Variants in SYMPK observed in about 807,000 individuals in gnomAD.
SYMPK encodes symplekin.
A neutral mutation model predicts 136.4 loss-of-function variants in SYMPK; 49 were observed. The observed-to-expected ratio is 0.36, with a 90% CI of 0.29 to 0.46. The LOEUF is 0.46. SYMPK is among the 20% of genes least tolerant of loss of function. The pLI is 1.00. For synonymous variants in SYMPK, 766 were observed against 713.0 expected (o/e 1.07, Z -1.19); for missense variants, 1,365 against 1,690.0 (o/e 0.81, Z 3.37).
rs137870340 is a variant in SYMPK, at chr19:45,815,773, CT to C, written c.3687+77del. 1.3e-3 allele frequency: 2,068 copies of C among 1,587,880 alleles called. 26 individuals carry two copies. The African/African-American group carries it at 0.024, about 19-fold the overall frequency. ...CACGCTCCCCTTCAGGCCCTGCCCC[CT>C]GATGGCCCCTCCTCCCCCACCTTCA... On this transcript the variant is annotated intron_variant, in intron 26 of 26. Coordinates refer to ENST00000245934, the MANE Select transcript of SYMPK (RefSeq NM_004819.3).
Position 45,848,841 on chromosome 19 carries a change from G to A in SYMPK, c.335C>T (p.Ala112Val). The A allele has an allele frequency of 1.2e-6, 2 of 1,614,038 alleles. No homozygotes were observed. Among genetic ancestry groups the A allele is most frequent in the Non-Finnish European group, 1.7e-6 (2 of 1,180,014 alleles). Residue 112 changes from alanine to valine, a missense_variant, in exon 6 of 27, where the codon GCA (alanine) becomes GTA (valine). Physicochemically the swap from Ala to Val is moderately conservative, Grantham distance 64. Transcript: ENST00000245934. Reference sequence around the variant, plus strand: ...GTCCCTCAAGAGCATGTTGAGGTTTGCAATGAGTTTCAGCAGCAACTCAAT... The same window carrying A: ...GTCCCTCAAGAGCATGTTGAGGTTTACAATGAGTTTCAGCAGCAACTCAAT... The part of the protein sequence containing the change: ...RDIELLLKLI[A>V]NLNMLLRDEN...
chr19:45,851,197 A>T (rs1457161944), intron 5 of SYMPK, among the ~76,000 whole-genome samples: 1 of 152,186 alleles, frequency 6.6e-6, no homozygotes, highest in Non-Finnish European at 1.5e-5. Flanking sequence ...GCGGGAAATG[A>T]GTGCGGTGAT....
chr19:45,827,579 G>T lies in SYMPK; in HGVS notation c.2112C>A (p.Phe704Leu). ...ACTGGAACTGGCGGGACGGGCGCTT[G>T]AAGATCAGGTCTCGAAGTGTGGACA... ...LGMSTLRDLI[F>L]KRPSRQFQYL... Residue 704 changes from phenylalanine (F) to leucine (L), a missense_variant, in exon 16 of 27, where the codon TTC becomes TTA. Physicochemically the swap from Phe to Leu is conservative, Grantham distance 22. Coordinates refer to ENST00000245934, the MANE Select transcript of SYMPK (RefSeq NM_004819.3). 6.2e-7 allele frequency: 1 copy of T among 1,614,156 alleles called. No individual in the cohort carries two copies. Among genetic ancestry groups the T allele is most frequent in the Non-Finnish European group, 8.5e-7 (1 of 1,180,006 alleles).
At chr19:45,833,415 C>G (rs1336457725) in intron 11 of SYMPK, among the ~76,000 whole-genome samples, 1 of 151,996 alleles carries the variant, frequency 6.6e-6, no homozygotes, top group Admixed American at 6.6e-5. Context: ...ACCTGGCTAA[C>G]ACGGTGAAAC....
At chr19:45,817,047 G>T in intron 23 of SYMPK, 73 bp from the exon 24 acceptor site, 1 of 1,468,132 alleles carries the variant, frequency 6.8e-7, no homozygotes, top group Non-Finnish European at 9.2e-7. Flanking sequence ...CTGGGAGAAA[G>T]ACCTTGCCAA....
rs761661728 is a variant in SYMPK at position 45,815,903 on chromosome 19, C to A, written c.3635G>T (p.Gly1212Val). 8 of 1,612,330 alleles carry A rather than the reference C, an allele frequency of 5.0e-6. No homozygotes were observed. Among genetic ancestry groups the A allele is most frequent in the South Asian group, 1.1e-5 (1 of 90,942 alleles). Residue 1212 changes from glycine to valine, a missense_variant, in exon 26 of 27, where the codon GGG (glycine) becomes GTG (valine). Physicochemically the swap from Gly to Val is moderately radical, Grantham distance 109. This residue lies in a region of SYMPK where 341 missense variants were observed against 270.5 expected (regional missense o/e 1.26). Transcript: ENST00000245934. ...GIFISMDDDS[G>V]LTEAALLDSS... ...GTCCAACAGCGCGGCCTCGGTCAGCCCCGAGTCGTCATCCATGCTGATGAA... is the reference window on the plus strand; with the variant it reads ...GTCCAACAGCGCGGCCTCGGTCAGCACCGAGTCGTCATCCATGCTGATGAA...
rs557833826 is a variant in SYMPK at position 45,821,213 on chromosome 19, G to A, written c.2893+171C>T. ...AGGAGGGAGGGAGGGAGGGAGGGAAGAGGAGGCAAGAAAAGGAGGGAGGGA... is the reference window on the plus strand; with the variant it reads ...AGGAGGGAGGGAGGGAGGGAGGGAAAAGGAGGCAAGAAAAGGAGGGAGGGA... On this transcript the variant is annotated intron_variant, in intron 22 of 26. Coordinates refer to ENST00000245934, the MANE Select transcript of SYMPK (RefSeq NM_004819.3). The surrounding 1 kb of genome is among the most constrained non-coding windows in gnomAD (Gnocchi z 4.4). 341 of 697,608 alleles carry A rather than the reference G, an allele frequency of 4.9e-4. 5 individuals carry two copies. The South Asian group carries it at 4.9e-3, about 10-fold the overall frequency. 43.2% of individuals were successfully genotyped at this position (697,608 alleles called of 1,614,324 possible).
chr19:45,842,407 C>T lies in SYMPK; in HGVS notation c.930G>A (p.Lys310=), dbSNP rs114012990. ...CCTGGAACTCCAAGGAAGCCGGGTG[C>T]TTCAGCACACTCAACAGGTGCAGCT... ...NLKLHLLSVL[K]HPASLEFQAQ... Residue 310 remains lysine (K), a synonymous_variant, in exon 9 of 27, where the codon AAG becomes AAA. Coordinates refer to ENST00000245934, the MANE Select transcript of SYMPK (RefSeq NM_004819.3). 126 of 1,614,228 alleles carry T rather than the reference C, an allele frequency of 7.8e-5. No homozygotes were observed. In the African/African-American group the frequency reaches 1.7e-3, roughly 21 times the overall value.
intron 17 of SYMPK, 97 bp from the exon 18 acceptor site, chr19:45,825,428 G>C (rs1202302850): frequency 7.0e-7 from 1 of 1,427,212 alleles, no homozygotes; most frequent in Non-Finnish European, 9.4e-7. Context: ...GAGCCGGGGA[G>C]GGCAGAGAAG....
chr19:45,837,864 C>A (rs1421311004), intron 10 of SYMPK, among the ~76,000 whole-genome samples: 2 of 151,998 alleles, frequency 1.3e-5, no homozygotes, highest in East Asian at 3.9e-4. Flanking sequence ...CTGGGAGGGG[C>A]CTGGAGAGGA....
Position 45,854,520 on chromosome 19 carries a change from A to C in SYMPK, c.-12-13T>G, listed in dbSNP as rs1419007102. ...TGGCTGCTGTCAGCTTGTCCCCAGG[A>C]AAGAAGAGGATGGATCAAGCTCAGG... On this transcript the variant is annotated splice_polypyrimidine_tract_variant and intron_variant, in intron 1 of 26. Coordinates refer to ENST00000245934, the MANE Select transcript of SYMPK (RefSeq NM_004819.3). The C allele has an allele frequency of 6.2e-7, 1 of 1,606,916 alleles. No homozygotes were observed. The highest frequency in any genetic ancestry group is 1.1e-5 in the South Asian group (1 of 90,896).
At chr19:45,831,277 T>A in intron 12 of SYMPK, 107 bp downstream of exon 12, 1 of 840,862 alleles carries the variant, frequency 1.2e-6, no homozygotes, top group Non-Finnish European at 1.7e-6. Context: ...TGTCTGCATC[T>A]CAGTTACACA....
At chr19:45,854,584 A>T in intron 1 of SYMPK, 77 bp from the exon 2 acceptor site, 1 of 1,211,714 alleles carries the variant, frequency 8.3e-7, no homozygotes, top group Non-Finnish European at 1.2e-6. Flanking sequence ...TCACCCGAAC[A>T]CCTACAAAGG....
chr19:45,848,143 C>T, intron 6 of SYMPK, 142 bp from the exon 7 acceptor site: 1 of 1,118,206 alleles, frequency 8.9e-7, no homozygotes, highest in Non-Finnish European at 1.2e-6. Flanking sequence ...AGTTCCAACT[C>T]TGCCCCAGCC....
intron 10 of SYMPK, among the ~76,000 whole-genome samples, chr19:45,836,389 G>C (rs758226181): frequency 2.0e-5 from 3 of 152,054 alleles, no homozygotes; most frequent in Non-Finnish European, 2.9e-5. Flanking sequence ...ATAGCACTTT[G>C]GGAGGCTGAG....
intron 3 of SYMPK, among the ~76,000 whole-genome samples, chr19:45,853,564 G>C (rs1971744343): frequency 2.0e-5 from 3 of 151,588 alleles, no homozygotes; most frequent in South Asian, 4.2e-4. Flanking sequence ...GTGAGAGCCA[G>C]GATCGTGCCA....
chr19:45,825,103 A>T (rs1178417845), intron 18 of SYMPK, 68 bp downstream of exon 18: 2 of 1,558,966 alleles, frequency 1.3e-6, no homozygotes, highest in Non-Finnish European at 1.7e-6. Context: ...CAGGTTGGGG[A>T]AGAGCTGGAG....
At position 45,821,210 on chromosome 19, in the gene SYMPK, G is replaced by A; in HGVS notation, c.2893+174C>T. 2 of 495,708 alleles carry A rather than the reference G, an allele frequency of 4.0e-6. No individual in the cohort carries two copies. The highest frequency in any genetic ancestry group is 2.5e-5 in the Admixed American group (1 of 39,898). 30.7% of individuals were successfully genotyped at this position (495,708 alleles called of 1,614,324 possible). ...AGGAGGAGGGAGGGAGGGAGGGAGG[G>A]AAGAGGAGGCAAGAAAAGGAGGGAG... On this transcript the variant is annotated intron_variant, in intron 22 of 26. Transcript: ENST00000245934. The surrounding 1 kb of genome is among the most constrained non-coding windows in gnomAD (Gnocchi z 4.4).
intron 12 of SYMPK, 24 bp from the exon 13 acceptor site, chr19:45,830,228 G>C: frequency 6.2e-7 from 1 of 1,603,532 alleles, no homozygotes; most frequent in Non-Finnish European, 8.5e-7. Context: ...CAGTGACAGA[G>C]ATGCAGTGAC....
Sources: allele counts gnomAD v4.1 joint callset (sites outside exome capture counted in the v4.1 genomes callset), GRCh38; gene constraint gnomAD v4.1.1; regional missense constraint gnomAD v4.1.1; non-coding constraint Gnocchi (gnomAD v3.1); transcripts MANE v1.5; gene names NCBI Gene and HGNC (gene_info 2026-07-23, HGNC 2026-07-21).